Variants in GNAS observed in about 807,000 individuals in gnomAD.
GNAS encodes the protein protein ALEX.
In GNAS, 8 loss-of-function variants were observed where a neutral mutation model predicts 54.5. The ratio of observed to expected loss-of-function variants is 0.15; its 90% CI spans 0.09 to 0.26. GNAS has a LOEUF of 0.26. GNAS is among the 10% of genes least tolerant of loss of function. GNAS has a pLI of 1.00. For missense variants in GNAS, 170 were observed against 529.8 expected (o/e 0.32, Z 6.67); for synonymous variants, 204 against 191.4 (o/e 1.07, Z -0.54).
In GNAS at chr20:58,841,904, A is replaced by G. The variant is rs1439117652; in HGVS notation, c.43+1018A>G. 1 of 1,229,392 alleles carries G rather than the reference A, an allele frequency of 8.1e-7. No individual in the cohort carries two copies. Among genetic ancestry groups the G allele is most frequent in the African/African-American group, 1.6e-5 (1 of 64,484 alleles). The allele number at this position is 1,229,392 out of a possible 1,614,324, so 76.2% of individuals were successfully genotyped here. On this transcript the variant is annotated intron_variant, in intron 1 of 12. Coordinates refer to the GNAS transcript ENST00000306090. The surrounding 1 kb of genome is among the most constrained non-coding windows in gnomAD (Gnocchi z 5.0). ...AAGCGGAACAAGGGACAGGCTGGAGACGGGGGTCGCGTCTAACATCAGGAT... is the reference window on the plus strand; with the variant it reads ...AAGCGGAACAAGGGACAGGCTGGAGGCGGGGGTCGCGTCTAACATCAGGAT...
At chr20:58,846,832 C>G (rs1193955173) in intron 1 of GNAS, among the ~76,000 whole-genome samples, 4 of 152,150 alleles carry the variant, frequency 2.6e-5, no homozygotes, top group Non-Finnish European at 5.9e-5. Context: ...CCCAGAAGCC[C>G]CCAGGGTGGC....
At position 58,911,128 on chromosome 20, in the gene GNAS, GAAAT is replaced by G. The variant is rs758080136; in HGVS notation, c.*305_*308del. On this transcript the variant is annotated 3_prime_UTR_variant, in exon 13 of 13. Coordinates refer to ENST00000371085, the MANE Select transcript of GNAS (RefSeq NM_000516.7). ...ATAAAATGAAATAAAAGAAACAAAT[GAAAT>G]AAATATTGTGTTGTGCAGCATTAAA... 3.3e-5 allele frequency: 18 copies of G among 551,732 alleles called. No individual in the cohort carries two copies. The highest frequency in any genetic ancestry group is 1.3e-4 in the South Asian group (8 of 60,520). 34.2% of individuals were successfully genotyped at this position (551,732 alleles called of 1,614,324 possible).
chr20:58,903,228 A>G (rs2090789870), intron 3 of GNAS: 2 of 485,788 alleles, frequency 4.1e-6, no homozygotes, highest in African/African-American at 3.9e-5. Context: ...AAGTGTTAGT[A>G]TGTAGTGTGG....
At chr20:58,891,392 A>G (rs2089275265), upstream of GNAS, 3 of 229,028 alleles carry the variant, frequency 1.3e-5, no homozygotes, top group East Asian at 2.2e-4. Flanking sequence ...GGCCGAGGCA[A>G]TAAGAGCGGC....
chr20:58,865,200 C>T (rs6070637), intron 1 of GNAS, among the ~76,000 whole-genome samples: 17,354 of 151,816 alleles, frequency 0.11, 1,024 homozygotes, highest in South Asian at 0.16. Context: ...GGCAGATCAC[C>T]TGAGGTCAAG....
intron 1 of GNAS, among the ~76,000 whole-genome samples, chr20:58,893,782 C>T (rs6026583): frequency 2.0e-5 from 3 of 152,342 alleles, no homozygotes; most frequent in African/African-American, 7.2e-5. Context: ...AGAATCTTTT[C>T]TGTGAATGCT....
intron 1 of GNAS, among the ~76,000 whole-genome samples, chr20:58,858,235 G>C (rs2086597425): frequency 6.6e-6 from 1 of 152,190 alleles, no homozygotes; most frequent in South Asian, 2.1e-4. Flanking sequence ...TCAAATGGCT[G>C]TCCTTTGATA....
chr20:58,866,279 T>A (rs2087060004), intron 1 of GNAS, among the ~76,000 whole-genome samples: 1 of 152,088 alleles, frequency 6.6e-6, no homozygotes. Context: ...ACAGTTAGAT[T>A]GCAGGAGAGA....
At position 58,891,421 on chromosome 20, in the gene GNAS, A is replaced by C. The variant is rs1398739694; in HGVS notation, c.-306A>C. 8.2e-6 allele frequency: 3 copies of C among 364,468 alleles called. No individual in the cohort carries two copies. The highest frequency in any genetic ancestry group is 1.1e-5 in the Non-Finnish European group (3 of 269,130). 22.6% of individuals were successfully genotyped at this position (364,468 alleles called of 1,614,324 possible). A position where few individuals can be genotyped will look rare whatever the true frequency, so the allele number is the denominator to read the frequency against. On this transcript the variant is annotated 5_prime_UTR_variant, in exon 1 of 13. Coordinates refer to ENST00000371085, the MANE Select transcript of GNAS (RefSeq NM_000516.7). ...GAGCGGCGGCGGCGGCAGCGGCGGC[A>C]GCAGCTCCCGCAGCTCCTGCTCTGG...
chr20:58,890,442 C>T (rs2089076728), upstream of GNAS, among the ~76,000 whole-genome samples: 1 of 151,794 alleles, frequency 6.6e-6, no homozygotes, highest in Admixed American at 6.6e-5. Context: ...GCGGCCCGGG[C>T]CGCTCAAGGC....
intron 3 of GNAS, among the ~76,000 whole-genome samples, chr20:58,901,684 G>A (rs767346692): frequency 3.9e-5 from 6 of 152,142 alleles, no homozygotes; most frequent in Non-Finnish European, 8.8e-5. Context: ...TAGGAAGGGG[G>A]CGAGATGGGA....
intron 1 of GNAS, among the ~76,000 whole-genome samples, chr20:58,882,564 A>T (rs1043131178): frequency 6.6e-6 from 1 of 152,206 alleles, no homozygotes; most frequent in Non-Finnish European, 1.5e-5. Flanking sequence ...CTGTCACTCG[A>T]GCCAGTGTCC....
chr20:58,851,712 C>T (rs1434856255), intron 1 of GNAS, among the ~76,000 whole-genome samples: 1 of 152,242 alleles, frequency 6.6e-6, no homozygotes, highest in Non-Finnish European at 1.5e-5. Context: ...CGCGGGCAAC[C>T]GCCGGGTTTG....
chr20:58,900,024 T>C (rs2090462722), intron 3 of GNAS: 1 of 715,522 alleles, frequency 1.4e-6, no homozygotes, highest in African/African-American at 1.7e-5. Context: ...CATGCTGGAA[T>C]TGCTCGGTCT....
intron 1 of GNAS, among the ~76,000 whole-genome samples, chr20:58,852,242 A>AC (rs2086206656): frequency 6.6e-6 from 1 of 151,604 alleles, no homozygotes; most frequent in Non-Finnish European, 1.5e-5. Context: ...CACTGCGGAG[A>AC]CCCCTAGAGT....
rs2145560040 is a variant in GNAS at position 58,853,402 on chromosome 20, C to T, written c.43+12516C>T. On this transcript the variant is annotated intron_variant, in intron 1 of 12. Transcript: ENST00000306090. The surrounding 1 kb of genome is among the most constrained non-coding windows in gnomAD (Gnocchi z 4.4). Reference sequence around the variant, plus strand: ...GCCCCCGGTGCTGGGCCTAGCCCAGCCGAAGAGATGGAGACCGAACCGCCT... The same window carrying T: ...GCCCCCGGTGCTGGGCCTAGCCCAGTCGAAGAGATGGAGACCGAACCGCCT... 1.3e-6 allele frequency: 2 copies of T among 1,573,204 alleles called. No homozygotes were observed. The highest frequency in any genetic ancestry group is 4.8e-5 in the East Asian group (2 of 41,928).
chr20:58,891,991 C>CCCG (rs1568980766), intron 1 of GNAS, 126 bp downstream of exon 1: 4 of 760,576 alleles, frequency 5.3e-6, no homozygotes, highest in Non-Finnish European at 6.4e-6. Flanking sequence ...CGTTCGCGGG[C>CCCG]TCTGTCTGTG....
intron 1 of GNAS, among the ~76,000 whole-genome samples, chr20:58,880,313 G>T (rs1341238514): frequency 3.9e-5 from 6 of 152,152 alleles, no homozygotes; most frequent in Non-Finnish European, 8.8e-5. Context: ...TTTCCCTCGG[G>T]GGTGCAGGCA....
chr20:58,876,351 T>C (rs1291629214), intron 1 of GNAS, among the ~76,000 whole-genome samples: 1 of 152,154 alleles, frequency 6.6e-6, no homozygotes, highest in Non-Finnish European at 1.5e-5. Context: ...ATAGATGTCA[T>C]GGATTCTAAT....
Sources: gnomAD v4.1 joint callset for allele counts (sites outside exome capture counted in the v4.1 genomes callset) on GRCh38, gnomAD v4.1.1 for gene constraint, Gnocchi (gnomAD v3.1) non-coding constraint, MANE v1.5 for transcripts, NCBI Gene and HGNC (gene_info 2026-07-23, HGNC 2026-07-21) for gene names.